Variants in PPFIA2 observed in about 807,000 individuals in gnomAD.
PPFIA2 encodes liprin-alpha-2.
PPFIA2 carries 46 observed loss-of-function variants against 175.5 expected under a neutral mutation model. The ratio of observed to expected loss-of-function variants is 0.26; its 90% CI spans 0.21 to 0.34. The LOEUF is 0.34. Among genes scored for constraint, PPFIA2 ranks in the 10% least tolerant of loss-of-function variants. The pLI is 1.00. For missense variants in PPFIA2, 1,179 were observed against 1,506.1 expected (o/e 0.78, Z 3.60); for synonymous variants, 568 against 511.4 (o/e 1.11, Z -1.49).
intron 4 of PPFIA2, among the ~76,000 whole-genome samples, chr12:81,578,994 T>C (rs2074010793): frequency 6.6e-6 from 1 of 151,840 alleles, no homozygotes; most frequent in African/African-American, 2.4e-5. Context: ...AAAATAATGC[T>C]CATTTTACAA....
In PPFIA2 at chr12:81,528,729, C is replaced by T. The variant is rs1252858932; in HGVS notation, c.304-70863G>A. On this transcript the variant is annotated intron_variant, in intron 4 of 32. Transcript: ENST00000549396. Reference sequence around the variant, plus strand: ...TCCATAGCAACATCAGAATAATTATCGCTATAATCAGCAGTAGAGAAAATG... The same window carrying T: ...TCCATAGCAACATCAGAATAATTATTGCTATAATCAGCAGTAGAGAAAATG... Among the ~76,000 whole-genome samples the T allele has an allele frequency of 3.3e-5, 5 of 151,970 alleles. No individual in the cohort carries two copies. The South Asian group carries it at 6.2e-4, about 19-fold the overall frequency.
intron 3 of PPFIA2, among the ~76,000 whole-genome samples, chr12:81,744,815 T>G (rs1180928221): frequency 6.6e-6 from 1 of 152,200 alleles, no homozygotes; most frequent in African/African-American, 2.4e-5. Flanking sequence ...CATAACAAGA[T>G]GAAGAAGAGG....
At chr12:81,661,766 G>A (rs1028934104) in intron 4 of PPFIA2, among the ~76,000 whole-genome samples, 4 of 151,914 alleles carry the variant, frequency 2.6e-5, no homozygotes, top group Non-Finnish European at 5.9e-5. Context: ...GCACCACACC[G>A]CACTTGTTCC....
intron 28 of PPFIA2, 36 bp downstream of exon 28, chr12:81,277,281 A>T: frequency 1.3e-6 from 2 of 1,507,406 alleles, no homozygotes; most frequent in Non-Finnish European, 1.8e-6. Flanking sequence ...AAAACCCCAG[A>T]ATAAAGGCAT....
chr12:81,594,298 A>G (rs1461065289), intron 4 of PPFIA2, among the ~76,000 whole-genome samples: 1 of 152,170 alleles, frequency 6.6e-6, no homozygotes, highest in African/African-American at 2.4e-5. Flanking sequence ...AACCTATAGT[A>G]AAGTTTCTTT....
At chr12:81,431,290 T>C (rs999894552) in intron 7 of PPFIA2, 1 of 152,226 alleles carries the variant, frequency 6.6e-6, no homozygotes, top group African/African-American at 2.4e-5. Context: ...TGTTAGGATG[T>C]AATCTATTTA....
intron 9 of PPFIA2, among the ~76,000 whole-genome samples, chr12:81,379,045 C>A (rs892917383): frequency 6.6e-6 from 1 of 152,056 alleles, no homozygotes; most frequent in Non-Finnish European, 1.5e-5. Context: ...CACTCTATGA[C>A]GTAGATTACA....
At chr12:81,434,281 G>GT (rs2048603646) in intron 7 of PPFIA2, among the ~76,000 whole-genome samples, 1 of 151,846 alleles carries the variant, frequency 6.6e-6, no homozygotes, top group Admixed American at 6.6e-5. Context: ...TGTTATCAGT[G>GT]TATTAATATG....
chr12:81,260,360 G>T (rs1231095368), intron 32 of PPFIA2: 1 of 152,154 alleles, frequency 6.6e-6, no homozygotes, highest in Non-Finnish European at 1.5e-5. Context: ...ATTGCAAATA[G>T]AGTAACTCTA....
In PPFIA2 at chr12:81,287,374, GT is replaced by G. The variant is rs2043720226; in HGVS notation, c.2926-3072del. Among the ~76,000 whole-genome samples the G allele has an allele frequency of 5.3e-5, 8 of 151,882 alleles. No homozygotes were observed. In the South Asian group the frequency reaches 1.4e-3, roughly 28 times the overall value. On this transcript the variant is annotated intron_variant, in intron 24 of 32. Transcript: ENST00000549396. ...TCTTTAAGTCTGTGTCTGCCAGTCTGTCACCATATTCTGGGATGTGGAACAT... is the reference window on the plus strand; with the variant it reads ...TCTTTAAGTCTGTGTCTGCCAGTCTGCACCATATTCTGGGATGTGGAACAT...
chr12:81,371,918 C>A (rs2035221581), intron 11 of PPFIA2, among the ~76,000 whole-genome samples: 1 of 150,732 alleles, frequency 6.6e-6, no homozygotes, highest in South Asian at 2.1e-4. Flanking sequence ...CAAACACACA[C>A]ACACACACAA....
chr12:81,494,845 C>G (rs911141440), intron 4 of PPFIA2, among the ~76,000 whole-genome samples: 1 of 147,146 alleles, frequency 6.8e-6, no homozygotes, highest in Non-Finnish European at 1.5e-5. Flanking sequence ...ATCACAAGGA[C>G]AAAAAACCAA....
At chr12:81,432,634 T>C (rs1306264552) in intron 7 of PPFIA2, among the ~76,000 whole-genome samples, 1 of 151,864 alleles carries the variant, frequency 6.6e-6, no homozygotes, top group African/African-American at 2.4e-5. Context: ...CCCAGATGAT[T>C]TTTGTATAGA....
chr12:81,259,267 T>G lies in PPFIA2; in HGVS notation c.*427A>C. 1 of 319,146 alleles carries G rather than the reference T, an allele frequency of 3.1e-6. No individual in the cohort carries two copies. Among genetic ancestry groups the G allele is most frequent in the Non-Finnish European group, 5.9e-6 (1 of 168,446 alleles). The allele number at this position is 319,146 out of a possible 1,614,324, so 19.8% of individuals were successfully genotyped here. A position where few individuals can be genotyped will look rare whatever the true frequency, so the allele number is the denominator to read the frequency against. On this transcript the variant is annotated 3_prime_UTR_variant, in exon 33 of 33. Coordinates refer to ENST00000549396, the MANE Select transcript of PPFIA2 (RefSeq NM_003625.5). ...ATTGTCAAATGTTTGCACTCGAGAC[T>G]CCATGAACCATATATTTTATTTTTT... is the stretch of plus-strand genomic sequence containing the variant.
chr12:81,741,859 TAGAGA>T (rs1451866391), intron 3 of PPFIA2, among the ~76,000 whole-genome samples: 1 of 152,088 alleles, frequency 6.6e-6, no homozygotes, highest in Non-Finnish European at 1.5e-5. Flanking sequence ...GGAGGAAAAG[TAGAGA>T]AGAGAGGTTG....
rs750521400 is a variant in PPFIA2, at chr12:81,268,014, A to G, written c.3384T>C (p.Asn1128=). The part of the protein sequence containing the change: ...QAIGLREYAN[N]ILESGVHGSL... Reference sequence around the variant, plus strand: ...AGCCATGCACACCGCTCTCAAGTATATTATTTGCATATTCTCGAAGTCCAA... The same window carrying G: ...AGCCATGCACACCGCTCTCAAGTATGTTATTTGCATATTCTCGAAGTCCAA... Residue 1128 remains asparagine (N), a synonymous_variant, in exon 29 of 33, where the codon AAT becomes AAC. Transcript: ENST00000549396. The G allele has an allele frequency of 1.3e-6, 2 of 1,596,930 alleles. No homozygotes were observed. The highest frequency in any genetic ancestry group is 4.5e-5 in the East Asian group (2 of 44,476).
chr12:81,421,580 A>C (rs540018932), intron 7 of PPFIA2, among the ~76,000 whole-genome samples: 2 of 152,172 alleles, frequency 1.3e-5, no homozygotes, highest in South Asian at 4.1e-4. Flanking sequence ...AATAACTACA[A>C]AAAACCATCT....
intron 7 of PPFIA2, among the ~76,000 whole-genome samples, chr12:81,412,035 G>A (rs764718500): frequency 4.6e-5 from 7 of 151,852 alleles, no homozygotes; most frequent in Non-Finnish European, 1.0e-4. Context: ...CAATATTTCA[G>A]GGAGTTCTTT....
At chr12:81,749,044 T>C (rs1232903942) in intron 3 of PPFIA2, among the ~76,000 whole-genome samples, 1 of 144,350 alleles carries the variant, frequency 6.9e-6, no homozygotes, top group Non-Finnish European at 1.6e-5. Flanking sequence ...GTCTTCTTTG[T>C]ACAAAGTAGG....
Sources: gnomAD v4.1 joint callset for allele counts (sites outside exome capture counted in the v4.1 genomes callset) on GRCh38, gnomAD v4.1.1 for gene constraint, MANE v1.5 for transcripts, NCBI Gene and HGNC (gene_info 2026-07-23, HGNC 2026-07-21) for gene names.